Variants in TC2N observed in about 807,000 individuals in gnomAD.
TC2N encodes the protein tandem C2 domains nuclear protein.
Under a neutral mutation model 61.9 loss-of-function variants are expected in TC2N, and 51 were observed. The ratio of observed to expected loss-of-function variants is 0.82; its 90% CI spans 0.66 to 1.04. TC2N has a LOEUF of 1.04. TC2N is among the 50% of genes least tolerant of loss of function. TC2N has a pLI of 0.00. For missense variants in TC2N, 556 were observed against 566.7 expected, an observed-to-expected ratio of 0.98 and a Z score of 0.19; for synonymous variants, 204 against 192.6, an observed-to-expected ratio of 1.06 and a Z score of -0.49.
At chr14:91,813,937 C>A in intron 1 of TC2N, 112 bp from the exon 2 acceptor site, 1 of 411,296 alleles carries the variant, frequency 2.4e-6, no homozygotes, top group Non-Finnish European at 4.3e-6. Context: ...GATTCTGAAG[C>A]AAAAATACTT....
chr14:91,863,865 C>T (rs906855094), intron 1 of TC2N, among the ~76,000 whole-genome samples: 7 of 149,858 alleles, frequency 4.7e-5, no homozygotes, highest in South Asian at 4.2e-4. Context: ...CATGTTGGCA[C>T]GTAGCTGTAG....
intron 1 of TC2N, among the ~76,000 whole-genome samples, chr14:91,839,724 A>G (rs1381046014): frequency 6.6e-6 from 1 of 152,114 alleles, no homozygotes; most frequent in Non-Finnish European, 1.5e-5. Flanking sequence ...TTTCCTTCCC[A>G]TTTTCTGCCT....
intron 1 of TC2N, among the ~76,000 whole-genome samples, chr14:91,866,090 A>G (rs536309310): frequency 3.3e-5 from 5 of 152,230 alleles, no homozygotes; most frequent in South Asian, 4.1e-4. Context: ...AAGACCTTTT[A>G]CAAACAATAT....
At chr14:91,841,649 G>A (rs1888165489) in intron 1 of TC2N, among the ~76,000 whole-genome samples, 1 of 152,140 alleles carries the variant, frequency 6.6e-6, no homozygotes, top group African/African-American at 2.4e-5. Context: ...AGCTATGTAT[G>A]GACTTTTCCA....
rs1247218362 is a variant in TC2N at position 91,805,989 on chromosome 14, G to A, written c.302-3568C>T. 2.0e-5 allele frequency among the ~76,000 whole-genome samples: 3 copies of A among 152,140 alleles called. No individual in the cohort carries two copies. The East Asian group carries it at 5.8e-4, about 29-fold the overall frequency. ...ATGTGTTGTGGGAGAGACCTGGTGG[G>A]AGATAACTGAATCATGGGGACAGTT... On this transcript the variant is annotated intron_variant, in intron 3 of 11. Transcript: ENST00000435962.
At chr14:91,830,634 T>C (rs1467645618) in intron 1 of TC2N, among the ~76,000 whole-genome samples, 1 of 148,946 alleles carries the variant, frequency 6.7e-6, no homozygotes, top group African/African-American at 2.5e-5. Context: ...ATAGTGATAG[T>C]TGCACAGCTA....
chr14:91,841,976 C>CTTTT (rs10682178), intron 1 of TC2N, among the ~76,000 whole-genome samples: 8 of 125,754 alleles, frequency 6.4e-5, no homozygotes, highest in African/African-American at 1.8e-4. Flanking sequence ...TCCCTTCCAC[C>CTTTT]TTTTTTTTTT....
intron 1 of TC2N, among the ~76,000 whole-genome samples, chr14:91,825,607 T>C (rs1211545719): frequency 2.0e-5 from 3 of 152,234 alleles, no homozygotes; most frequent in African/African-American, 7.2e-5. Context: ...CTTCAAAATA[T>C]AACTACCTGA....
At chr14:91,809,498 A>G (rs531386428) in intron 3 of TC2N, among the ~76,000 whole-genome samples, 1 of 152,326 alleles carries the variant, frequency 6.6e-6, no homozygotes, top group South Asian at 2.1e-4. Flanking sequence ...ACCAAAACTA[A>G]AACAAAGCAA....
Position 91,780,313 on chromosome 14 carries a change from T to C in TC2N, c.*2787A>G, listed in dbSNP as rs1411094695. On this transcript the variant is annotated 3_prime_UTR_variant, in exon 12 of 12. Transcript: ENST00000435962. ...AGGAGATATAGTTTATACCTGGCTG[T>C]TGAGTACATTAGTATCAGAGAAATT... is the stretch of plus-strand genomic sequence containing the variant. 7 of 152,226 alleles carry C rather than the reference T, an allele frequency of 4.6e-5. No homozygotes were observed. Among genetic ancestry groups the C allele is most frequent in the Non-Finnish European group, 7.3e-5 (5 of 68,032 alleles). The allele number at this position is 152,226 out of a possible 1,614,324, so 9.4% of individuals were successfully genotyped here.
intron 1 of TC2N, among the ~76,000 whole-genome samples, chr14:91,862,529 C>A (rs1455928288): frequency 6.6e-6 from 1 of 152,098 alleles, no homozygotes; most frequent in Non-Finnish European, 1.5e-5. Context: ...TGAGGGAAAT[C>A]TGGTGAAAAT....
intron 1 of TC2N, among the ~76,000 whole-genome samples, chr14:91,862,189 A>G (rs1888604489): frequency 2.0e-5 from 3 of 151,422 alleles, no homozygotes; most frequent in Admixed American, 2.0e-4. Flanking sequence ...AATACAAAAA[A>G]ATCAGCCAGG....
rs1885964105 is a variant in TC2N, at chr14:91,797,715, C to T, written c.855+70G>A. 3 of 989,568 alleles carry T rather than the reference C, an allele frequency of 3.0e-6. No individual in the cohort carries two copies. The East Asian group carries it at 7.4e-5, about 24-fold the overall frequency. The allele number at this position is 989,568 out of a possible 1,614,324, so 61.3% of individuals were successfully genotyped here. ...AGACTTTCTTATTCTGACTTGTTTA[C>T]ATGGGTAAAAGTGACAAATATAAAA... On this transcript the variant is annotated intron_variant, in intron 8 of 11. Transcript: ENST00000435962.
At chr14:91,799,130 C>G (rs369014204) in intron 5 of TC2N, 66 bp from the exon 6 acceptor site, 88 of 969,502 alleles carry the variant, frequency 9.1e-5, no homozygotes, top group South Asian at 7.5e-4. Flanking sequence ...GATACATATG[C>G]CTCAATATCC....
chr14:91,844,169 C>A (rs1888219669), intron 1 of TC2N, among the ~76,000 whole-genome samples: 1 of 152,134 alleles, frequency 6.6e-6, no homozygotes, highest in Non-Finnish European at 1.5e-5. Context: ...GGGACAGGGT[C>A]TGTGAGGGCC....
chr14:91,800,751 C>T (rs965508836), intron 4 of TC2N, among the ~76,000 whole-genome samples: 1 of 151,962 alleles, frequency 6.6e-6, no homozygotes, highest in African/African-American at 2.4e-5. Context: ...AAAATCAATA[C>T]TCAATCCCAT....
At chr14:91,801,929 C>T (rs1296149528) in intron 4 of TC2N, among the ~76,000 whole-genome samples, 1 of 152,144 alleles carries the variant, frequency 6.6e-6, no homozygotes, top group African/African-American at 2.4e-5. Flanking sequence ...CTAATATCCA[C>T]TCTCTTAGCA....
intron 1 of TC2N, among the ~76,000 whole-genome samples, chr14:91,849,132 C>G (rs1260969316): frequency 6.6e-6 from 1 of 152,122 alleles, no homozygotes. Context: ...GTAGGAGACT[C>G]AGAGTCGACA....
At chr14:91,828,384 G>T (rs1012268541) in intron 1 of TC2N, among the ~76,000 whole-genome samples, 1 of 151,904 alleles carries the variant, frequency 6.6e-6, no homozygotes, top group Non-Finnish European at 1.5e-5. Flanking sequence ...ATTTCAGTAT[G>T]CATCTCTAAT....
Sources: gnomAD v4.1 joint callset for allele counts (sites outside exome capture counted in the v4.1 genomes callset) on GRCh38, gnomAD v4.1.1 for gene constraint, MANE v1.5 for transcripts, NCBI Gene and HGNC (gene_info 2026-07-23, HGNC 2026-07-21) for gene names.